MOB1A: variants seen among roughly 807,000 people sequenced by gnomAD.
MOB1A encodes MOB kinase activator 1A.
In MOB1A, 10 loss-of-function variants were observed where a neutral mutation model predicts 25.1. The observed-to-expected ratio is 0.40, with a 90% CI of 0.25 to 0.68. The LOEUF (loss-of-function observed/expected upper bound fraction) is 0.68. Among genes scored for constraint, MOB1A ranks in the 30% least tolerant of loss-of-function variants. MOB1A has a pLI of 0.40. For synonymous variants in MOB1A, 81 were observed against 79.5 expected, an observed-to-expected ratio of 1.02 and a Z score of -0.10; for missense variants, 177 against 256.3, an observed-to-expected ratio of 0.69 and a Z score of 2.11.
At chr2:74,157,090 C>T (rs971611879) in intron 5 of MOB1A, among the ~76,000 whole-genome samples, 3 of 149,484 alleles carry the variant, frequency 2.0e-5, no homozygotes, top group Admixed American at 6.7e-5. Flanking sequence ...GCTGGAGGCT[C>T]CTATAAAGCT....
chr2:74,168,540 C>T (rs575621050), intron 2 of MOB1A, among the ~76,000 whole-genome samples: 7 of 152,006 alleles, frequency 4.6e-5, no homozygotes, highest in Non-Finnish European at 7.4e-5. Flanking sequence ...CTACTCAGGA[C>T]GCTGAAGTGG....
intron 4 of MOB1A, among the ~76,000 whole-genome samples, chr2:74,162,396 G>A (rs533439761): frequency 2.0e-5 from 3 of 152,044 alleles, no homozygotes; most frequent in Admixed American, 6.6e-5. Flanking sequence ...CACGAGAATC[G>A]CTTCAACCCA....
At chr2:74,160,939 A>G (rs1692950551) in intron 4 of MOB1A, among the ~76,000 whole-genome samples, 1 of 151,888 alleles carries the variant, frequency 6.6e-6, no homozygotes, top group Non-Finnish European at 1.5e-5. Context: ...AAGGCCTGTA[A>G]TCCTAGCTAC....
intron 5 of MOB1A, 136 bp downstream of exon 5, chr2:74,158,955 G>A: frequency 1.1e-6 from 1 of 890,606 alleles, no homozygotes; most frequent in South Asian, 1.7e-5. Flanking sequence ...ATGTGGAAAA[G>A]AGAACAAAAC....
rs996624406 is a variant in MOB1A, at chr2:74,159,830, C to G, written c.410-576G>C. On this transcript the variant is annotated intron_variant, in intron 4 of 5. Coordinates refer to ENST00000396049, the MANE Select transcript of MOB1A (RefSeq NM_018221.5). ...TTTTTGTTTTTTGTCCCCCCCCCCA[C>G]CCCGGAGACTGAGCCTCACTCTGTC... Among the ~76,000 whole-genome samples the G allele has an allele frequency of 6.9e-3, 753 of 109,012 alleles. 12 individuals are homozygous for G. The highest frequency in any genetic ancestry group is 0.03 in the African/African-American group (724 of 23,834). The allele number at this position is 109,012 out of a possible 152,430, so 71.5% of individuals were successfully genotyped here.
At chr2:74,172,820 T>A (rs772610092) in intron 1 of MOB1A, 68 bp from the exon 2 acceptor site, 5 of 1,476,166 alleles carry the variant, frequency 3.4e-6, no homozygotes, top group Non-Finnish European at 4.6e-6. Context: ...AACAACATAA[T>A]TTTAGGTATA....
chr2:74,175,502 G>C (rs1246048496), intron 1 of MOB1A, among the ~76,000 whole-genome samples: 1 of 152,190 alleles, frequency 6.6e-6, no homozygotes, highest in Non-Finnish European at 1.5e-5. Flanking sequence ...ACTGGTGAAA[G>C]TATAAAGTGT....
Position 74,156,557 on chromosome 2 carries a change from A to C in MOB1A, c.*11T>G, listed in dbSNP as rs1280525598. 6.5e-7 allele frequency: 1 copy of C among 1,539,194 alleles called. No individual in the cohort carries two copies. Among genetic ancestry groups the C allele is most frequent in the Non-Finnish European group, 8.8e-7 (1 of 1,135,346 alleles). Reference sequence around the variant, plus strand: ...TGAAGCAAGGGGGTAACTGTGTTCTAGAAGAAACATTTATCTGTCTTTTGA... The same window carrying C: ...TGAAGCAAGGGGGTAACTGTGTTCTCGAAGAAACATTTATCTGTCTTTTGA... On this transcript the variant is annotated 3_prime_UTR_variant, in exon 6 of 6. Coordinates refer to ENST00000396049, the MANE Select transcript of MOB1A (RefSeq NM_018221.5).
intron 4 of MOB1A, among the ~76,000 whole-genome samples, 188 bp from the exon 5 acceptor site, chr2:74,159,442 T>C (rs3762480): frequency 0.63 from 95,892 of 151,872 alleles, 31,609 homozygotes; most frequent in African/African-American, 0.83. Flanking sequence ...CACGCCACCA[T>C]GCCCAGCTAA....
intron 2 of MOB1A, among the ~76,000 whole-genome samples, chr2:74,171,148 C>T (rs529955638): frequency 1.3e-4 from 20 of 151,896 alleles, no homozygotes; most frequent in Admixed American, 5.3e-4. Context: ...GGCGTGGTGG[C>T]GGACACCTGT....
intron 2 of MOB1A, 78 bp downstream of exon 2, chr2:74,172,508 T>C: frequency 7.2e-7 from 1 of 1,381,822 alleles, no homozygotes; most frequent in Non-Finnish European, 1.0e-6. Context: ...CAGTTCTAAC[T>C]GTAAAAGAAA....
At position 74,178,746 on chromosome 2, in the gene MOB1A, G is replaced by C. The variant is rs1361574176; in HGVS notation, c.-72C>G. On this transcript the variant is annotated 5_prime_UTR_variant, in exon 1 of 6. Coordinates refer to ENST00000396049, the MANE Select transcript of MOB1A (RefSeq NM_018221.5). Reference sequence around the variant, plus strand: ...ATCAGGATTCGGAGCTGGCTAGAGGGAGCGGACCGTCCTTAGCTCACGGGC... The same window carrying C: ...ATCAGGATTCGGAGCTGGCTAGAGGCAGCGGACCGTCCTTAGCTCACGGGC... 2 of 840,512 alleles carry C rather than the reference G, an allele frequency of 2.4e-6. No individual in the cohort carries two copies. Among genetic ancestry groups the C allele is most frequent in the Admixed American group, 8.8e-5 (2 of 22,676 alleles). 52.1% of individuals were successfully genotyped at this position (840,512 alleles called of 1,614,324 possible). A position where few individuals can be genotyped will look rare whatever the true frequency, so the allele number is the denominator to read the frequency against.
chr2:74,175,108 T>C (rs1030589538), intron 1 of MOB1A, among the ~76,000 whole-genome samples: 2 of 152,182 alleles, frequency 1.3e-5, no homozygotes, highest in South Asian at 2.1e-4. Context: ...CCTCTTGTCA[T>C]ATCAGCAGAG....
intron 2 of MOB1A, among the ~76,000 whole-genome samples, chr2:74,172,174 CAA>C (rs1300403906): frequency 1.3e-5 from 2 of 152,174 alleles, no homozygotes; most frequent in African/African-American, 4.8e-5. Flanking sequence ...TCACAACAAT[CAA>C]CTGTCCATAT....
intron 1 of MOB1A, among the ~76,000 whole-genome samples, chr2:74,173,505 C>T (rs538337868): frequency 5.3e-5 from 8 of 149,946 alleles, no homozygotes; most frequent in Admixed American, 2.0e-4. Context: ...CTCAGCCTCT[C>T]GAGTAGCTGG....
chr2:74,178,757 C>A lies in MOB1A; in HGVS notation c.-83G>T. 2 of 721,556 alleles carry A rather than the reference C, an allele frequency of 2.8e-6. No homozygotes were observed. The highest frequency in any genetic ancestry group is 1.9e-6 in the Non-Finnish European group (1 of 516,802). 44.7% of individuals were successfully genotyped at this position (721,556 alleles called of 1,614,324 possible). A position where few individuals can be genotyped will look rare whatever the true frequency, so the allele number is the denominator to read the frequency against. ...GAGCTGGCTAGAGGGAGCGGACCGT[C>A]CTTAGCTCACGGGCAGCGGAAGCCG... On this transcript the variant is annotated 5_prime_UTR_variant, in exon 1 of 6. Transcript: ENST00000396049.
At position 74,156,409 on chromosome 2, in the gene MOB1A, C is replaced by T. The variant is rs1214214278; in HGVS notation, c.*159G>A. 3 of 666,750 alleles carry T rather than the reference C, an allele frequency of 4.5e-6. No individual in the cohort carries two copies. In the African/African-American group the frequency reaches 5.5e-5, roughly 12 times the overall value. 41.3% of individuals were successfully genotyped at this position (666,750 alleles called of 1,614,324 possible). A position where few individuals can be genotyped will look rare whatever the true frequency, so the allele number is the denominator to read the frequency against. On this transcript the variant is annotated 3_prime_UTR_variant, in exon 6 of 6. Transcript: ENST00000396049. Reference sequence around the variant, plus strand: ...AAGGTCTTACTCGGAAACTATCACACCAACCTACCTTTGGGATAATTTTAT... The same window carrying T: ...AAGGTCTTACTCGGAAACTATCACATCAACCTACCTTTGGGATAATTTTAT...
Position 74,156,513 on chromosome 2 carries a change from A to T in MOB1A, c.*55T>A. 1 of 1,231,268 alleles carries T rather than the reference A, an allele frequency of 8.1e-7. No homozygotes were observed. Among genetic ancestry groups the T allele is most frequent in the Non-Finnish European group, 1.2e-6 (1 of 855,740 alleles). The allele number at this position is 1,231,268 out of a possible 1,614,324, so 76.3% of individuals were successfully genotyped here. On this transcript the variant is annotated 3_prime_UTR_variant, in exon 6 of 6. Coordinates refer to ENST00000396049, the MANE Select transcript of MOB1A (RefSeq NM_018221.5). ...CACTAGTCTATAACAGATAGCAATGAGATAGTTCTAGCAATAGATGAAGCA... is the reference window on the plus strand; with the variant it reads ...CACTAGTCTATAACAGATAGCAATGTGATAGTTCTAGCAATAGATGAAGCA...
intron 4 of MOB1A, among the ~76,000 whole-genome samples, chr2:74,162,443 C>T (rs1440586485): frequency 6.6e-6 from 1 of 152,132 alleles, no homozygotes; most frequent in Non-Finnish European, 1.5e-5. Flanking sequence ...GACTGTGCCA[C>T]TGCCCTCCAG....
Sources: gnomAD v4.1 joint callset for allele counts (sites outside exome capture counted in the v4.1 genomes callset) on GRCh38, gnomAD v4.1.1 for gene constraint, MANE v1.5 for transcripts, NCBI Gene and HGNC (gene_info 2026-07-23, HGNC 2026-07-21) for gene names.